PTPRD: variants seen among roughly 807,000 people sequenced by gnomAD.
PTPRD encodes receptor-type tyrosine-protein phosphatase delta.
Under a neutral mutation model 214.5 loss-of-function variants are expected in PTPRD, and 34 were observed. The ratio of observed to expected loss-of-function variants is 0.16; its 90% CI spans 0.12 to 0.21. PTPRD has a LOEUF of 0.21. Among genes scored for constraint, PTPRD ranks in the 10% least tolerant of loss-of-function variants. The probability of loss-of-function intolerance (pLI) is 1.00; values close to 1 mark genes in which losing one functional copy is unlikely to be tolerated. For synonymous variants in PTPRD, 1,128 were observed against 845.7 expected, an observed-to-expected ratio of 1.33 and a Z score of -5.79; for missense variants, 2,545 against 2,398.7, an observed-to-expected ratio of 1.06 and a Z score of -1.27.
intron 9 of PTPRD, among the ~76,000 whole-genome samples, chr9:9,326,985 T>A (rs2040220866): frequency 6.6e-6 from 1 of 152,114 alleles, no homozygotes; most frequent in Non-Finnish European, 1.5e-5. Context: ...TGTATGGCTT[T>A]GAAAATAAGC....
chr9:9,024,814 A>T (rs1250806893), intron 10 of PTPRD, among the ~76,000 whole-genome samples: 1 of 151,966 alleles, frequency 6.6e-6, no homozygotes, highest in Non-Finnish European at 1.5e-5. Flanking sequence ...GATATTGATT[A>T]TAAACATAAA....
At chr9:10,351,640 T>C (rs1307373117) in intron 2 of PTPRD, among the ~76,000 whole-genome samples, 1 of 150,072 alleles carries the variant, frequency 6.7e-6, no homozygotes, top group African/African-American at 2.5e-5. Context: ...CAGAGGTTAG[T>C]ACCTCTCATA....
chr9:10,482,506 T>C (rs1452300780), intron 2 of PTPRD, among the ~76,000 whole-genome samples: 1 of 26,026 alleles, frequency 3.8e-5, no homozygotes, highest in Non-Finnish European at 9.7e-5. Flanking sequence ...AATGATATGA[T>C]CTTATCTTAG....
intron 2 of PTPRD, among the ~76,000 whole-genome samples, chr9:10,595,927 T>C (rs932295840): frequency 5.9e-5 from 9 of 151,822 alleles, no homozygotes; most frequent in African/African-American, 2.2e-4. Flanking sequence ...AGAGAAAGGA[T>C]CAGATACTGT....
intron 14 of PTPRD, among the ~76,000 whole-genome samples, chr9:8,606,103 A>C (rs2095194877): frequency 6.6e-6 from 1 of 152,146 alleles, no homozygotes; most frequent in African/African-American, 2.4e-5. Flanking sequence ...ACAATTGTGG[A>C]CAAAATCTCT....
At chr9:8,796,992 T>C (rs1302560342) in intron 11 of PTPRD, 3 of 152,146 alleles carry the variant, frequency 2.0e-5, no homozygotes, top group African/African-American at 2.4e-5. Flanking sequence ...TGTAATCTCT[T>C]AGCTACTATA....
intron 9 of PTPRD, among the ~76,000 whole-genome samples, chr9:9,247,959 T>C (rs1293263438): frequency 6.6e-6 from 1 of 152,074 alleles, no homozygotes; most frequent in African/African-American, 2.4e-5. Flanking sequence ...TAATTTCCTA[T>C]GAAAGGTAGC....
intron 42 of PTPRD, among the ~76,000 whole-genome samples, chr9:8,339,950 T>G (rs1197155202): frequency 6.6e-6 from 1 of 152,044 alleles, no homozygotes. Flanking sequence ...GGTAGGCAAG[T>G]AAGAATTTGC....
chr9:9,228,227 G>T (rs2099960793), intron 9 of PTPRD, among the ~76,000 whole-genome samples: 1 of 151,984 alleles, frequency 6.6e-6, no homozygotes, highest in Admixed American at 6.6e-5. Context: ...TCTTCATGCA[G>T]GAATATTCAT....
At chr9:8,551,972 T>C (rs2082234999) in intron 14 of PTPRD, among the ~76,000 whole-genome samples, 1 of 152,216 alleles carries the variant, frequency 6.6e-6, no homozygotes, top group Non-Finnish European at 1.5e-5. Context: ...TGAGTACAAC[T>C]TTTCTGGCTG....
intron 11 of PTPRD, among the ~76,000 whole-genome samples, chr9:8,943,351 A>G (rs1218553085): frequency 2.6e-5 from 4 of 151,964 alleles, no homozygotes; most frequent in Non-Finnish European, 5.9e-5. Flanking sequence ...AATTAGAAGA[A>G]TCAAATAACC....
chr9:8,565,291 T>A (rs1366111435), intron 14 of PTPRD, among the ~76,000 whole-genome samples: 1 of 152,194 alleles, frequency 6.6e-6, no homozygotes, highest in Admixed American at 6.5e-5. Context: ...CAACTGCTAT[T>A]TTAAATTTGA....
intron 2 of PTPRD, among the ~76,000 whole-genome samples, chr9:10,515,627 T>C (rs531078373): frequency 5.9e-5 from 9 of 152,122 alleles, no homozygotes; most frequent in African/African-American, 2.2e-4. Context: ...TCTTAACAGA[T>C]TTTTAAAAGT....
At chr9:8,779,323 G>C (rs1320760218) in intron 11 of PTPRD, among the ~76,000 whole-genome samples, 2 of 151,886 alleles carry the variant, frequency 1.3e-5, no homozygotes, top group African/African-American at 2.4e-5. Flanking sequence ...AGGCAACCAA[G>C]TACTTACCCA....
At chr9:10,034,009 A>G (rs921134395) in intron 3 of PTPRD, among the ~76,000 whole-genome samples, 1 of 152,138 alleles carries the variant, frequency 6.6e-6, no homozygotes, top group African/African-American at 2.4e-5. Flanking sequence ...TAAAGAATAT[A>G]CAGAATCTTT....
At chr9:10,515,684 T>C (rs942360812) in intron 2 of PTPRD, among the ~76,000 whole-genome samples, 2 of 152,004 alleles carry the variant, frequency 1.3e-5, no homozygotes, top group African/African-American at 4.8e-5. Context: ...ACAGCAAATC[T>C]CTAGAACTTA....
intron 2 of PTPRD, among the ~76,000 whole-genome samples, chr9:10,457,321 T>C (rs567448731): frequency 6.6e-6 from 1 of 152,096 alleles, no homozygotes; most frequent in Admixed American, 6.5e-5. Flanking sequence ...GTCATACCCA[T>C]GCCATTCCAT....
At chr9:9,569,748 G>C (rs1034794759) in intron 8 of PTPRD, among the ~76,000 whole-genome samples, 1 of 151,518 alleles carries the variant, frequency 6.6e-6, no homozygotes, top group African/African-American at 2.4e-5. Context: ...TGTCGGGAAC[G>C]GGGGAAGGCT....
chr9:10,199,259 C>T (rs966198271), intron 3 of PTPRD, among the ~76,000 whole-genome samples: 9 of 151,978 alleles, frequency 5.9e-5, no homozygotes, highest in African/African-American at 2.2e-4. Context: ...ACCGTAATTA[C>T]TTAGTGTATA....
Sources: allele counts gnomAD v4.1 joint callset (sites outside exome capture counted in the v4.1 genomes callset), GRCh38; gene constraint gnomAD v4.1.1; transcripts MANE v1.5; gene names NCBI Gene and HGNC (gene_info 2026-07-23, HGNC 2026-07-21).